Variants in CRMP1 observed in about 807,000 individuals in gnomAD.
CRMP1 encodes the protein dihydropyrimidinase-related protein 1.
In CRMP1, 19 loss-of-function variants were observed where a neutral mutation model predicts 68.3. The observed-to-expected ratio is 0.28, with a 90% CI of 0.19 to 0.41. The LOEUF (loss-of-function observed/expected upper bound fraction) is 0.41. Among genes scored for constraint, CRMP1 ranks in the 10% least tolerant of loss-of-function variants. CRMP1 has a pLI of 1.00. For missense variants in CRMP1, 791 were observed against 967.4 expected (o/e 0.82, Z 2.42); for synonymous variants, 439 against 399.6 (o/e 1.10, Z -1.18).
At position 5,870,742 on chromosome 4, in the gene CRMP1, CTG is replaced by C. The variant is rs1388739766; in HGVS notation, c.382-3988_382-3987del. 6.6e-6 allele frequency among the ~76,000 whole-genome samples: 1 copy of C among 152,218 alleles called. No homozygotes were observed. Among genetic ancestry groups the C allele is most frequent in the East Asian group, 1.9e-4 (1 of 5,200 alleles). ...GTTGCTCCTAGGCCCCACAACCTAT[CTG>C]TACCGCTAAAAAAGATGTGTGCATC... On this transcript the variant is annotated intron_variant, in intron 1 of 13. Transcript: ENST00000324989. This position sits in a 1 kb window ranked among gnomAD's most constrained non-coding sequence, Gnocchi z 6.0.
At chr4:5,830,155 C>T (rs1470679358) in intron 11 of CRMP1, among the ~76,000 whole-genome samples, 4 of 152,298 alleles carry the variant, frequency 2.6e-5, no homozygotes, top group African/African-American at 9.6e-5. Flanking sequence ...CTTACGGTGT[C>T]ACTGTGTTTT....
rs957495257 is a variant in CRMP1, at chr4:5,889,271, C to G, written c.381+3318G>C. Among the ~76,000 whole-genome samples the G allele has an allele frequency of 6.6e-6, 1 of 152,176 alleles. No individual in the cohort carries two copies. The highest frequency in any genetic ancestry group is 1.5e-5 in the Non-Finnish European group (1 of 68,036). On this transcript the variant is annotated intron_variant, in intron 1 of 13. Transcript: ENST00000324989. The surrounding 1 kb of genome is among the most constrained non-coding windows in gnomAD (Gnocchi z 4.5). ...CTCCAACAGCAGCTCCCTCATCACACAGCAGCCTGACACTGGGGCCACCAG... is the reference window on the plus strand; with the variant it reads ...CTCCAACAGCAGCTCCCTCATCACAGAGCAGCCTGACACTGGGGCCACCAG...
intron 1 of CRMP1, among the ~76,000 whole-genome samples, chr4:5,868,291 A>G (rs1218084882): frequency 2.0e-5 from 2 of 99,246 alleles, no homozygotes; most frequent in African/African-American, 9.1e-5. Flanking sequence ...ATATATATAT[A>G]TATATATATA....
At chr4:5,827,911 G>C (rs1243545270) in intron 12 of CRMP1, 11 of 493,220 alleles carry the variant, frequency 2.2e-5, no homozygotes, top group African/African-American at 4.2e-5. Flanking sequence ...GTTAGGAATA[G>C]AGCCTGCTCC....
chr4:5,859,449 C>T lies in CRMP1; in HGVS notation c.655+1577G>A, dbSNP rs886475038. 1.3e-5 allele frequency among the ~76,000 whole-genome samples: 2 copies of T among 152,168 alleles called. No homozygotes were observed. The highest frequency in any genetic ancestry group is 4.8e-5 in the African/African-American group (2 of 41,440). On this transcript the variant is annotated intron_variant, in intron 3 of 13. Coordinates refer to ENST00000324989, the MANE Select transcript of CRMP1 (RefSeq NM_001014809.3). This position sits in a 1 kb window ranked among gnomAD's most constrained non-coding sequence, Gnocchi z 5.2. Reference sequence around the variant, plus strand: ...CCCTGCCCTGTGCAGTCCTCCTGAACCCAGAACTTCCATGCCCATCTCTCA... The same window carrying T: ...CCCTGCCCTGTGCAGTCCTCCTGAATCCAGAACTTCCATGCCCATCTCTCA...
chr4:5,824,518 CTCTT>C (rs1719223287), intron 13 of CRMP1: 14 of 985,218 alleles, frequency 1.4e-5, no homozygotes, highest in Non-Finnish European at 1.7e-5. Context: ...CTTCCACTCT[CTCTT>C]TTGCTAAGCA....
At chr4:5,868,721 A>G (rs1461776859) in intron 1 of CRMP1, among the ~76,000 whole-genome samples, 3 of 152,184 alleles carry the variant, frequency 2.0e-5, no homozygotes, top group Non-Finnish European at 2.9e-5. Flanking sequence ...TTGTACAGTG[A>G]TACGTATTTT....
intron 12 of CRMP1, among the ~76,000 whole-genome samples, chr4:5,827,204 G>A (rs977508641): frequency 2.0e-5 from 3 of 152,212 alleles, no homozygotes; most frequent in Admixed American, 1.3e-4. Flanking sequence ...TTAACCGCAG[G>A]CCTCAGCTTC....
intron 8 of CRMP1, among the ~76,000 whole-genome samples, chr4:5,840,044 C>T (rs1419721600): frequency 6.6e-6 from 1 of 152,208 alleles, no homozygotes; most frequent in Non-Finnish European, 1.5e-5. Flanking sequence ...AGAAGCAGAT[C>T]TTAGGAATCT....
At chr4:5,857,970 GAA>G (rs1490202953) in intron 3 of CRMP1, among the ~76,000 whole-genome samples, 1 of 152,136 alleles carries the variant, frequency 6.6e-6, no homozygotes, top group African/African-American at 2.4e-5. Context: ...GTCAAAAAGA[GAA>G]GTCTCACCTC....
rs1017146776 is a variant in CRMP1 at position 5,850,294 on chromosome 4, G to A, written c.883-822C>T. Among the ~76,000 whole-genome samples, 2 of 152,162 alleles carry A rather than the reference G, an allele frequency of 1.3e-5. No individual in the cohort carries two copies. Among genetic ancestry groups the A allele is most frequent in the African/African-American group, 2.4e-5 (1 of 41,442 alleles). ...GAGAACCTGCACGCAGAGGCTGCTC[G>A]ATTCCATCCATGCCCATGGCTCCAG... On this transcript the variant is annotated intron_variant, in intron 5 of 13. Coordinates refer to ENST00000324989, the MANE Select transcript of CRMP1 (RefSeq NM_001014809.3). This position sits in a 1 kb window ranked among gnomAD's most constrained non-coding sequence, Gnocchi z 4.4.
In CRMP1 at chr4:5,835,915, C is replaced by T. The variant is rs369876862; in HGVS notation, c.1623G>A (p.Ser541=). The T allele has an allele frequency of 7.8e-6, 12 of 1,534,802 alleles. No individual in the cohort carries two copies. Among genetic ancestry groups the T allele is most frequent in the East Asian group, 4.8e-5 (2 of 41,520 alleles). ...LKTITAKSHK[S]AVEYNIFEGM... is the part of the protein sequence containing the mutation. ...GCAGCACAAATAGGCCAGGACTTAC[C>T]GACTTGTGACTTTTGGCTGTTATGG... The change falls in exon 11 of 14, where the codon TCG becomes TCA. Residue 541 remains serine, a splice_region_variant and synonymous_variant. Transcript: ENST00000324989.
intron 11 of CRMP1, among the ~76,000 whole-genome samples, chr4:5,833,159 CTTT>C (rs1160531301): frequency 2.4e-5 from 2 of 84,634 alleles, no homozygotes; most frequent in Non-Finnish European, 4.3e-5. Context: ...CCTTCCAGAA[CTTT>C]TTTTTTTTTT....
intron 12 of CRMP1, 68 bp downstream of exon 12, chr4:5,828,421 C>CG: frequency 6.4e-7 from 1 of 1,564,170 alleles, no homozygotes; most frequent in Non-Finnish European, 8.7e-7. Flanking sequence ...CGTCAGATCT[C>CG]GATTCCCCAA....
chr4:5,852,161 C>A (rs1712705847), intron 4 of CRMP1, among the ~76,000 whole-genome samples: 1 of 152,214 alleles, frequency 6.6e-6, no homozygotes, highest in Non-Finnish European at 1.5e-5. Flanking sequence ...TATCCCATTT[C>A]TTTAAAGAAT....
At chr4:5,837,708 T>C (rs1403711101) in intron 9 of CRMP1, among the ~76,000 whole-genome samples, 3 of 94,944 alleles carry the variant, frequency 3.2e-5, no homozygotes, top group Non-Finnish European at 6.7e-5. Flanking sequence ...AAAAAATGAA[T>C]GGACCATTAT....
chr4:5,892,446 G>C lies in CRMP1; in HGVS notation c.381+143C>G. 1.2e-6 allele frequency: 1 copy of C among 842,130 alleles called. No homozygotes were observed. The highest frequency in any genetic ancestry group is 1.5e-6 in the Non-Finnish European group (1 of 660,624). The allele number at this position is 842,130 out of a possible 1,614,324, so 52.2% of individuals were successfully genotyped here. A position where few individuals can be genotyped will look rare whatever the true frequency, so the allele number is the denominator to read the frequency against. ...GGGAACCTCTTGCATGATGAGGTGGGGGAGGGGCCGCGCCGTGGCTCTCCC... is the reference window on the plus strand; with the variant it reads ...GGGAACCTCTTGCATGATGAGGTGGCGGAGGGGCCGCGCCGTGGCTCTCCC... On this transcript the variant is annotated intron_variant, in intron 1 of 13. Coordinates refer to ENST00000324989, the MANE Select transcript of CRMP1 (RefSeq NM_001014809.3). The surrounding 1 kb of genome is among the most constrained non-coding windows in gnomAD (Gnocchi z 8.6).
intron 11 of CRMP1, 86 bp downstream of exon 11, chr4:5,835,829 A>C: frequency 7.5e-7 from 1 of 1,331,208 alleles, no homozygotes; most frequent in African/African-American, 1.5e-5. Context: ...TAGTTGGAAA[A>C]TTCATAAATC....
chr4:5,851,609 T>A, intron 4 of CRMP1, 140 bp from the exon 5 acceptor site: 1 of 810,662 alleles, frequency 1.2e-6, no homozygotes, highest in South Asian at 1.5e-5. Flanking sequence ...GGGGCACCTA[T>A]CCAGCCTGAG....
Sources: gnomAD v4.1 joint callset for allele counts (sites outside exome capture counted in the v4.1 genomes callset) on GRCh38, gnomAD v4.1.1 for gene constraint, Gnocchi (gnomAD v3.1) non-coding constraint, MANE v1.5 for transcripts, NCBI Gene and HGNC (gene_info 2026-07-23, HGNC 2026-07-21) for gene names.